Variants in NPEPPS observed in about 807,000 individuals in gnomAD.
NPEPPS encodes puromycin-sensitive aminopeptidase.
A neutral mutation model predicts 115.5 loss-of-function variants in NPEPPS; 14 were observed. The ratio of observed to expected loss-of-function variants is 0.12; its 90% CI spans 0.08 to 0.19. The LOEUF is 0.19. Among genes scored for constraint, NPEPPS ranks in the 10% least tolerant of loss-of-function variants. The pLI is 1.00. For missense variants in NPEPPS, 523 were observed against 1,110.8 expected (o/e 0.47, Z 7.52); for synonymous variants, 285 against 390.6 (o/e 0.73, Z 3.19).
intron 2 of NPEPPS, among the ~76,000 whole-genome samples, chr17:47,568,096 C>A (rs543018095): frequency 1.3e-5 from 2 of 152,050 alleles, no homozygotes; most frequent in Non-Finnish European, 2.9e-5. Context: ...CCAAAAGTGG[C>A]TGCACCATTT....
chr17:47,566,240 A>T (rs3968297), intron 2 of NPEPPS, among the ~76,000 whole-genome samples: 6,742 of 152,194 alleles, frequency 0.044, 216 homozygotes, highest in Middle Eastern at 0.16. Context: ...TGGCCTCCCA[A>T]AGTGCTGGAA....
At chr17:47,558,563 G>A (rs751639792) in intron 2 of NPEPPS, among the ~76,000 whole-genome samples, 3 of 151,574 alleles carry the variant, frequency 2.0e-5, no homozygotes, top group Non-Finnish European at 4.4e-5. Flanking sequence ...CCAAGTAGCT[G>A]GGATTACATG....
chr17:47,554,552 G>A (rs897775777), intron 2 of NPEPPS, among the ~76,000 whole-genome samples: 3 of 151,534 alleles, frequency 2.0e-5, no homozygotes, highest in African/African-American at 7.3e-5. Context: ...TGTGAGTCAG[G>A]TCTGGCTTTA....
intron 1 of NPEPPS, among the ~76,000 whole-genome samples, chr17:47,541,445 C>T (rs1258783344): frequency 1.3e-5 from 2 of 151,178 alleles, no homozygotes; most frequent in Admixed American, 6.6e-5. Context: ...GGCGCGATTT[C>T]GGCTCACTGC....
At chr17:47,543,158 A>G (rs904951500) in intron 1 of NPEPPS, among the ~76,000 whole-genome samples, 6 of 151,702 alleles carry the variant, frequency 4.0e-5, no homozygotes, top group African/African-American at 1.5e-4. Flanking sequence ...AAAAAAAAAA[A>G]AAAAAGAAAA....
At chr17:47,619,218 CCATGATTCACTA>C in intron 21 of NPEPPS, 54 bp downstream of exon 21, 9 of 1,453,358 alleles carry the variant, frequency 6.2e-6, no homozygotes, top group Non-Finnish European at 8.6e-6. Flanking sequence ...TTAGTGACAT[CCATGATTCACTA>C]CACCCATACA....
intron 2 of NPEPPS, among the ~76,000 whole-genome samples, chr17:47,553,801 A>G (rs1410181296): frequency 2.0e-5 from 3 of 149,130 alleles, no homozygotes; most frequent in Non-Finnish European, 4.4e-5. Context: ...CCCAGGCTGG[A>G]GTGCAATGGT....
At chr17:47,571,256 G>C (rs1308150923) in intron 3 of NPEPPS, among the ~76,000 whole-genome samples, 4 of 152,134 alleles carry the variant, frequency 2.6e-5, no homozygotes, top group Non-Finnish European at 5.9e-5. Context: ...TCTGGGTGTT[G>C]ACATAATTGG....
At chr17:47,609,536 A>T (rs918818239) in intron 17 of NPEPPS, among the ~76,000 whole-genome samples, 1 of 152,234 alleles carries the variant, frequency 6.6e-6, no homozygotes, top group Non-Finnish European at 1.5e-5. Context: ...CATCACAACA[A>T]TGTGTAGTTA....
intron 5 of NPEPPS, among the ~76,000 whole-genome samples, chr17:47,584,442 T>C (rs904724223): frequency 2.7e-4 from 41 of 152,242 alleles, no homozygotes; most frequent in Middle Eastern, 6.8e-3. Context: ...CTGTCTTGTG[T>C]GGGGAACTTG....
At chr17:47,582,927 A>G in intron 5 of NPEPPS, 78 bp downstream of exon 5, 2 of 593,302 alleles carry the variant, frequency 3.4e-6, no homozygotes, top group Non-Finnish European at 6.0e-6. Context: ...ATGGGATAAT[A>G]TGAAACCACC....
At chr17:47,543,109 G>A (rs1241077375) in intron 1 of NPEPPS, among the ~76,000 whole-genome samples, 1 of 146,740 alleles carries the variant, frequency 6.8e-6, no homozygotes, top group African/African-American at 2.5e-5. Flanking sequence ...CGCATCATTG[G>A]CACTCCATCC....
chr17:47,603,181 C>T (rs146064212), intron 15 of NPEPPS, among the ~76,000 whole-genome samples: 2 of 151,996 alleles, frequency 1.3e-5, no homozygotes, highest in African/African-American at 2.4e-5. Flanking sequence ...GAGGCTGAGG[C>T]GCGGCGGATC....
At chr17:47,594,709 T>C (rs1912750171) in intron 12 of NPEPPS, among the ~76,000 whole-genome samples, 1 of 151,390 alleles carries the variant, frequency 6.6e-6, no homozygotes, top group African/African-American at 2.4e-5. Flanking sequence ...CTCGGCTCAC[T>C]GCAAGCTCCA....
intron 1 of NPEPPS, among the ~76,000 whole-genome samples, chr17:47,525,501 G>A (rs559566532): frequency 2.0e-5 from 3 of 152,160 alleles, no homozygotes; most frequent in African/African-American, 4.8e-5. Context: ...GCAACACCAC[G>A]CCCAGCTAAT....
intron 17 of NPEPPS, among the ~76,000 whole-genome samples, chr17:47,612,102 A>G (rs943607662): frequency 1.1e-4 from 16 of 152,238 alleles, no homozygotes; most frequent in Non-Finnish European, 1.8e-4. Context: ...TACTAGTTCC[A>G]TATGTGATCT....
intron 18 of NPEPPS, among the ~76,000 whole-genome samples, chr17:47,613,336 G>C (rs1913997110): frequency 6.8e-6 from 1 of 146,434 alleles, no homozygotes; most frequent in African/African-American, 2.6e-5. Flanking sequence ...TGTGATCTCG[G>C]CTCACTGTAG....
At chr17:47,589,838 T>C (rs1400142417) in intron 9 of NPEPPS, among the ~76,000 whole-genome samples, 1 of 152,230 alleles carries the variant, frequency 6.6e-6, no homozygotes, top group Non-Finnish European at 1.5e-5. Flanking sequence ...TGAGTGGTTT[T>C]CCCCTGTCAT....
chr17:47,601,720 A>G lies in NPEPPS; in HGVS notation c.1713A>G (p.Lys571=). 6.2e-7 allele frequency: 1 copy of G among 1,613,714 alleles called. No homozygotes were observed. The change falls in exon 15 of 23, where the codon AAA becomes AAG. Residue 571 remains lysine (K), a synonymous_variant. Coordinates refer to ENST00000322157, the MANE Select transcript of NPEPPS (RefSeq NM_006310.4). The part of the protein sequence containing the change: ...MDKPEMNVVL[K]NVKPDQWVKL... ...AGCCAGAGATGAATGTGGTTTTGAA[A>G]AATGTCAAACCAGACCAATGGGTGA...
Sources: allele counts gnomAD v4.1 joint callset (sites outside exome capture counted in the v4.1 genomes callset), GRCh38; gene constraint gnomAD v4.1.1; transcripts MANE v1.5; gene names NCBI Gene and HGNC (gene_info 2026-07-23, HGNC 2026-07-21).